Variants in TDRD9 observed in about 807,000 individuals in gnomAD.
The protein encoded by TDRD9 is ATP-dependent RNA helicase TDRD9.
TDRD9 carries 124 observed loss-of-function variants against 172.6 expected under a neutral mutation model. That is an observed-to-expected ratio of 0.72 (90% confidence interval 0.62 to 0.83). TDRD9 has a LOEUF of 0.83. Among genes scored for constraint, TDRD9 ranks in the 40% least tolerant of loss-of-function variants. The pLI is 0.00. For synonymous variants in TDRD9, 619 were observed against 617.1 expected (o/e 1.00, Z -0.05); for missense variants, 1,479 against 1,714.1 (o/e 0.86, Z 2.42).
At chr14:103,976,419 G>A (rs1401060284) in intron 7 of TDRD9, among the ~76,000 whole-genome samples, 1 of 151,744 alleles carries the variant, frequency 6.6e-6, no homozygotes, top group Non-Finnish European at 1.5e-5. Context: ...GACTACAGGC[G>A]TCCGCCACCA....
chr14:104,048,860 T>G (rs2035857564), intron 34 of TDRD9, among the ~76,000 whole-genome samples: 1 of 152,040 alleles, frequency 6.6e-6, no homozygotes, highest in South Asian at 2.1e-4. Flanking sequence ...CAAGTCAAGG[T>G]GTGAGGATTT....
rs550574190 is a variant in TDRD9 at position 103,976,564 on chromosome 14, C to T, written c.1011+1011C>T. 3.9e-4 allele frequency among the ~76,000 whole-genome samples: 59 copies of T among 151,866 alleles called. 1 individual carries two copies. The highest frequency in any genetic ancestry group is 1.4e-3 in the African/African-American group (57 of 41,436). On this transcript the variant is annotated intron_variant, in intron 7 of 35. Transcript: ENST00000409874. ...GCATGAGCCACCGCGCCTGGCCTAT[C>T]CATTCATCTCTTAATGTACACCTAG...
intron 28 of TDRD9, among the ~76,000 whole-genome samples, chr14:104,029,857 CA>C (rs1297359657): frequency 6.6e-6 from 1 of 152,150 alleles, no homozygotes; most frequent in African/African-American, 2.4e-5. Context: ...CTTCTATACC[CA>C]ATTTGCTGAG....
rs201601068 is a variant in TDRD9, at chr14:104,031,913, C to CT, written c.3439-94dup. 7.2e-3 allele frequency: 4,963 copies of CT among 689,266 alleles called. 2 individuals carry two copies. Among genetic ancestry groups the CT allele is most frequent in the South Asian group, 0.011 (477 of 43,316 alleles). 42.7% of individuals were successfully genotyped at this position (689,266 alleles called of 1,614,324 possible). A position where few individuals can be genotyped will look rare whatever the true frequency, so the allele number is the denominator to read the frequency against. On this transcript the variant is annotated intron_variant, in intron 29 of 35. Transcript: ENST00000409874. The stretch of plus-strand genomic sequence containing the variant: ...CATAAAGACATTATGAATGAGATGT[C>CT]TTTTTTTTTTCCTTTAAAGAATGAG...
chr14:104,033,943 G>A lies in TDRD9; in HGVS notation c.3510-17G>A. On this transcript the variant is annotated splice_polypyrimidine_tract_variant and intron_variant, in intron 30 of 35. Transcript: ENST00000409874. ...AGTGGATCAGTCACCCCATCTCCTG[G>A]TGCTCCTGCCTTTTAGGTGTGTTTG... The A allele has an allele frequency of 6.6e-7, 1 of 1,506,388 alleles. No individual in the cohort carries two copies. The highest frequency in any genetic ancestry group is 9.0e-7 in the Non-Finnish European group (1 of 1,106,102). The allele number at this position is 1,506,388 out of a possible 1,614,324, so 93.3% of individuals were successfully genotyped here.
chr14:104,001,842 C>T (rs946963566), intron 13 of TDRD9, among the ~76,000 whole-genome samples: 2 of 152,070 alleles, frequency 1.3e-5, no homozygotes, highest in African/African-American at 2.4e-5. Flanking sequence ...CTCTTGACCT[C>T]GTGATCTGCC....
chr14:103,938,438 A>ATTTT (rs1354196439), intron 1 of TDRD9, among the ~76,000 whole-genome samples: 131 of 41,726 alleles, frequency 3.1e-3, no homozygotes, highest in East Asian at 4.3e-3. Flanking sequence ...ATATATATAT[A>ATTTT]TATTTTTTTT....
At chr14:103,956,973 T>G (rs1399028905) in intron 2 of TDRD9, among the ~76,000 whole-genome samples, 1 of 152,210 alleles carries the variant, frequency 6.6e-6, no homozygotes, top group Non-Finnish European at 1.5e-5. Context: ...CGTATTAGTG[T>G]GCTCAGAGTC....
chr14:103,959,455 C>CGTGTGTGTGTGTGTGT lies in TDRD9; in HGVS notation c.323-3613_323-3598dup, dbSNP rs151216232. ...CACTGAAGAAGTAAGGTCAGGTTAT[C>CGTGTGTGTGTGTGTGT]GTGTGTGTGTGTGTGTGTGTGTGTG... On this transcript the variant is annotated intron_variant, in intron 2 of 35. Coordinates refer to ENST00000409874, the MANE Select transcript of TDRD9 (RefSeq NM_153046.3). Among the ~76,000 whole-genome samples, 108 of 144,098 alleles carry CGTGTGTGTGTGTGTGT rather than the reference C, an allele frequency of 7.5e-4. 3 individuals are homozygous for CGTGTGTGTGTGTGTGT. The highest frequency in any genetic ancestry group is 2.2e-3 in the African/African-American group (82 of 37,790). 94.5% of individuals were successfully genotyped at this position (144,098 alleles called of 152,430 possible).
At chr14:103,971,463 C>A (rs1223940432) in intron 6 of TDRD9, among the ~76,000 whole-genome samples, 1 of 151,900 alleles carries the variant, frequency 6.6e-6, no homozygotes, top group Non-Finnish European at 1.5e-5. Context: ...CACCACCATG[C>A]CAGGCTAATT....
At chr14:103,973,463 T>G (rs1453694929) in intron 6 of TDRD9, among the ~76,000 whole-genome samples, 1 of 152,216 alleles carries the variant, frequency 6.6e-6, no homozygotes, top group African/African-American at 2.4e-5. Flanking sequence ...GACCTTGTTG[T>G]CACCTCTTGC....
chr14:103,934,788 C>G (rs1478771041), intron 1 of TDRD9, among the ~76,000 whole-genome samples: 1 of 152,160 alleles, frequency 6.6e-6, no homozygotes, highest in Admixed American at 6.5e-5. Context: ...TGAAGTGGGG[C>G]AAGGACAGGA....
At chr14:103,937,869 A>ATTTTTTTTTTTTTTTTTTTTTTTTT in intron 1 of TDRD9, among the ~76,000 whole-genome samples, 1 of 130,754 alleles carries the variant, frequency 7.6e-6, no homozygotes, top group African/African-American at 2.8e-5. Context: ...TTTTTTTTTA[A>ATTTTTTTTTTTTTTTTTTTTTTTTT]TTTTCTTTTT....
At chr14:104,002,962 C>T (rs1429961674) in intron 13 of TDRD9, among the ~76,000 whole-genome samples, 1 of 152,062 alleles carries the variant, frequency 6.6e-6, no homozygotes, top group Non-Finnish European at 1.5e-5. Context: ...ATCTCTTTAC[C>T]TCGTGATCTG....
intron 6 of TDRD9, among the ~76,000 whole-genome samples, chr14:103,972,365 G>A (rs1218456654): frequency 6.6e-6 from 1 of 152,068 alleles, no homozygotes; most frequent in Non-Finnish European, 1.5e-5. Flanking sequence ...CCCTGTGTTC[G>A]AAATAGCACC....
Position 103,941,572 on chromosome 14 carries a change from C to G in TDRD9, c.215+12848C>G, listed in dbSNP as rs951410314. 6 of 1,535,192 alleles carry G rather than the reference C, an allele frequency of 3.9e-6. No individual in the cohort carries two copies. In the African/African-American group the frequency reaches 8.2e-5, roughly 21 times the overall value. On this transcript the variant is annotated intron_variant, in intron 1 of 35. Coordinates refer to ENST00000409874, the MANE Select transcript of TDRD9 (RefSeq NM_153046.3). ...TTTTCGATTTCTTGTATTAATCTCTCTCGCTCCTTTAGGTGCCATTTTAAT... is the reference window on the plus strand; with the variant it reads ...TTTTCGATTTCTTGTATTAATCTCTGTCGCTCCTTTAGGTGCCATTTTAAT...
chr14:104,032,529 C>A (rs772522899), intron 30 of TDRD9, among the ~76,000 whole-genome samples: 1 of 152,194 alleles, frequency 6.6e-6, no homozygotes, highest in Non-Finnish European at 1.5e-5. Context: ...TCTAACTTCT[C>A]ATTTCTCTCC....
At chr14:103,956,103 AAAAAAAAAATATATATATATATATATAT>A (rs1422396111) in intron 2 of TDRD9, among the ~76,000 whole-genome samples, 7 of 50,256 alleles carry the variant, frequency 1.4e-4, no homozygotes, top group African/African-American at 5.0e-4. Flanking sequence ...AAAAAAAAAA[AAAAAAAAAATATATATATATATATATAT>A]ATATATATAT....
At chr14:103,940,743 TTTCTTA>T in intron 1 of TDRD9, 1 of 1,145,608 alleles carries the variant, frequency 8.7e-7, no homozygotes, top group South Asian at 1.5e-5. Flanking sequence ...CACATCACTT[TTTCTTA>T]TTCTTAATAT....
Sources: gnomAD v4.1 joint callset for allele counts (sites outside exome capture counted in the v4.1 genomes callset) on GRCh38, gnomAD v4.1.1 for gene constraint, MANE v1.5 for transcripts, NCBI Gene and HGNC (gene_info 2026-07-23, HGNC 2026-07-21) for gene names.